Variants in OXNAD1 observed in about 807,000 individuals in gnomAD.
OXNAD1 encodes oxidoreductase NAD-binding domain-containing protein 1.
Under a neutral mutation model 32.9 loss-of-function variants are expected in OXNAD1, and 34 were observed. The ratio of observed to expected loss-of-function variants is 1.03; its 90% confidence interval spans 0.79 to 1.38. The LOEUF (loss-of-function observed/expected upper bound fraction) is 1.38. Ranked by LOEUF, OXNAD1 falls within the 40% of genes most tolerant of loss-of-function variation. The pLI is 0.00. For missense variants in OXNAD1, 407 were observed against 379.4 expected, an observed-to-expected ratio of 1.07 and a Z score of -0.60; for synonymous variants, 134 against 135.2, an observed-to-expected ratio of 0.99 and a Z score of 0.06.
In OXNAD1 at chr3:16,305,083, C is replaced by G. The variant is rs1283938514; in HGVS notation, c.*1521C>G. The G allele has an allele frequency of 6.6e-6, 1 of 152,256 alleles. No homozygotes were observed. The highest frequency in any genetic ancestry group is 1.5e-5 in the Non-Finnish European group (1 of 68,108). The allele number at this position is 152,256 out of a possible 1,614,324, so 9.4% of individuals were successfully genotyped here. On this transcript the variant is annotated 3_prime_UTR_variant, in exon 9 of 9. Coordinates refer to ENST00000285083, the MANE Select transcript of OXNAD1 (RefSeq NM_138381.5). This position sits in a 1 kb window ranked among gnomAD's most constrained non-coding sequence, Gnocchi z 4.5. ...AAGCTCTGGATCACTACAAGGAGCCCTGACTTACCAGTTGGCCCCAAAGTG... is the reference window on the plus strand; with the variant it reads ...AAGCTCTGGATCACTACAAGGAGCCGTGACTTACCAGTTGGCCCCAAAGTG...
At chr3:16,341,351 C>G (rs1281838450), downstream of OXNAD1, among the ~76,000 whole-genome samples, 1 of 152,242 alleles carries the variant, frequency 6.6e-6, no homozygotes, top group Non-Finnish European at 1.5e-5. The surrounding 1 kb of genome is among the most constrained non-coding windows in gnomAD (Gnocchi z 4.7). Context: ...GAAACCTACA[C>G]ATGGCTGTTT....
rs1008795018 is a variant in OXNAD1, at chr3:16,280,408, G to T, written c.184-5934G>T. ...GAAGTTAAATTGTGTGGTTGACGGA[G>T]AATTTTGTGTCTACCTTTGTTAGTA... On this transcript the variant is annotated intron_variant, in intron 4 of 8. Coordinates refer to ENST00000285083, the MANE Select transcript of OXNAD1 (RefSeq NM_138381.5). The surrounding 1 kb of genome is among the most constrained non-coding windows in gnomAD (Gnocchi z 4.5). Among the ~76,000 whole-genome samples, 1 of 152,108 alleles carries T rather than the reference G, an allele frequency of 6.6e-6. No homozygotes were observed. Among genetic ancestry groups the T allele is most frequent in the Non-Finnish European group, 1.5e-5 (1 of 68,024 alleles).
intron 4 of OXNAD1, among the ~76,000 whole-genome samples, chr3:16,283,770 G>A (rs2065903757): frequency 6.6e-6 from 1 of 152,192 alleles, no homozygotes; most frequent in East Asian, 1.9e-4. Flanking sequence ...AGAAGGAATG[G>A]TAAAGGAGAA....
chr3:16,294,988 T>C lies in OXNAD1; in HGVS notation c.423T>C (p.Val141=). The C allele has an allele frequency of 6.2e-7, 1 of 1,611,934 alleles. No homozygotes were observed. Among genetic ancestry groups the C allele is most frequent in the Non-Finnish European group, 8.5e-7 (1 of 1,178,988 alleles). ...KYTNHPPALW[V]HNTCTLDCEV... is the part of the protein sequence containing the mutation. Reference sequence around the variant, plus strand: ...CGAACCACCCTCCTGCCCTCTGGGTTCACAATACGGTAAGCACACTGCCTG... The same window carrying C: ...CGAACCACCCTCCTGCCCTCTGGGTCCACAATACGGTAAGCACACTGCCTG... Residue 141 remains valine, a synonymous_variant, in exon 6 of 9, where the codon GTT becomes GTC. Coordinates refer to ENST00000285083, the MANE Select transcript of OXNAD1 (RefSeq NM_138381.5).
chr3:16,304,931 A>G lies in OXNAD1; in HGVS notation c.*1369A>G, dbSNP rs1475832675. ...TTTTGTCAAGTTTTAAGCAGAGATC[A>G]TTTGTCAACTATTTTGATCCCAGAT... On this transcript the variant is annotated 3_prime_UTR_variant, in exon 9 of 9. Transcript: ENST00000285083. The surrounding 1 kb of genome is among the most constrained non-coding windows in gnomAD (Gnocchi z 4.6). 2 of 152,282 alleles carry G rather than the reference A, an allele frequency of 1.3e-5. No homozygotes were observed. The highest frequency in any genetic ancestry group is 4.8e-5 in the African/African-American group (2 of 41,444). 9.4% of individuals were successfully genotyped at this position (152,282 alleles called of 1,614,324 possible).
chr3:16,303,559 G>A lies in OXNAD1; in HGVS notation c.936G>A (p.Trp312Ter). ...PKEHICFEKW[W>*] ...AACACATTTGCTTTGAGAAGTGGTG[G>A]TAGGAGGCAGACAAAGGCAGAAAAA... The change falls in exon 9 of 9, where the codon TGG (tryptophan) becomes TGA (stop). Residue 312 changes from tryptophan to a stop codon, truncating the protein, a stop_gained. Transcript: ENST00000285083. LOFTEE classifies it high-confidence loss of function. This position sits in a 1 kb window ranked among gnomAD's most constrained non-coding sequence, Gnocchi z 4.8. 6.2e-7 allele frequency: 1 copy of A among 1,613,660 alleles called. No individual in the cohort carries two copies. The highest frequency in any genetic ancestry group is 8.5e-7 in the Non-Finnish European group (1 of 1,179,806).
At chr3:16,282,384 T>G (rs1575085213) in intron 4 of OXNAD1, among the ~76,000 whole-genome samples, 1 of 149,716 alleles carries the variant, frequency 6.7e-6, no homozygotes, top group East Asian at 1.9e-4. Flanking sequence ...AAAAAAAAAG[T>G]GCTCCTGCAT....
At chr3:16,326,889 G>C (rs755015047) in intron 9 of OXNAD1, 1 of 1,607,454 alleles carries the variant, frequency 6.2e-7, no homozygotes, top group South Asian at 1.1e-5. Flanking sequence ...GGGGGAACAA[G>C]GCCAGCATTA....
intron 9 of OXNAD1, among the ~76,000 whole-genome samples, chr3:16,323,777 G>A (rs1243351852): frequency 6.6e-6 from 1 of 152,214 alleles, no homozygotes; most frequent in Admixed American, 6.5e-5. Context: ...ATCTCAAAGG[G>A]GCAGGGGCCT....
chr3:16,349,633 A>G (rs2071960438), exon 10 of OXNAD1: 1 of 152,256 alleles, frequency 6.6e-6, no homozygotes, highest in Non-Finnish European at 1.5e-5. Flanking sequence ...TAAAAATGGG[A>G]TTATTCAACT....
chr3:16,292,819 A>T (rs572205657), intron 5 of OXNAD1, among the ~76,000 whole-genome samples: 27 of 152,306 alleles, frequency 1.8e-4, no homozygotes, highest in African/African-American at 6.3e-4. Context: ...CTTGTCTAAA[A>T]TCAATTCACC....
chr3:16,279,392 C>T (rs958711384), intron 4 of OXNAD1, among the ~76,000 whole-genome samples: 1 of 152,114 alleles, frequency 6.6e-6, no homozygotes, highest in African/African-American at 2.4e-5. Context: ...CCCAGTTTAG[C>T]AGCTCTGTAA....
In OXNAD1 at chr3:16,303,251, C is replaced by T. The variant is rs1287514434; in HGVS notation, c.785-157C>T. Among the ~76,000 whole-genome samples the T allele has an allele frequency of 6.6e-6, 1 of 152,082 alleles. No homozygotes were observed. The highest frequency in any genetic ancestry group is 2.4e-5 in the African/African-American group (1 of 41,414). ...GAGATGCACTCTGCTTGGGTCTGGGCCCAGATGCCAATAGGAGCCATACTG... is the reference window on the plus strand; with the variant it reads ...GAGATGCACTCTGCTTGGGTCTGGGTCCAGATGCCAATAGGAGCCATACTG... On this transcript the variant is annotated intron_variant, in intron 8 of 8. Transcript: ENST00000285083. The surrounding 1 kb of genome is among the most constrained non-coding windows in gnomAD (Gnocchi z 4.8).
rs1491581919 is a variant in OXNAD1, at chr3:16,345,264, T to TTTG, written c.*31-3911_*31-3910insTGT. 22 of 145,838 alleles carry TTTG rather than the reference T, an allele frequency of 1.5e-4. No homozygotes were observed. The highest frequency in any genetic ancestry group is 5.3e-4 in the African/African-American group (20 of 37,754). The allele number at this position is 145,838 out of a possible 1,614,324, so 9.0% of individuals were successfully genotyped here. A position where few individuals can be genotyped will look rare whatever the true frequency, so the allele number is the denominator to read the frequency against. On this transcript the variant is annotated intron_variant, in intron 9 of 9. Coordinates refer to the OXNAD1 transcript ENST00000606098. This position sits in a 1 kb window ranked among gnomAD's most constrained non-coding sequence, Gnocchi z 5.2. Reference sequence around the variant, plus strand: ...AAACTGTAAGATAATAAGTAGGTGGTTGTGTGTGTGTGTGTGTGTGTGTGT... The same window carrying TTTG: ...AAACTGTAAGATAATAAGTAGGTGGTTTGTGTGTGTGTGTGTGTGTGTGTGTGT...
chr3:16,317,381 T>C lies in OXNAD1; in HGVS notation c.*30+13789T>C. ...CAGCCAGGCAGTACAGGCACCAAAC[T>C]TGAATCGCACACTATCACATCACAC... On this transcript the variant is annotated intron_variant, in intron 9 of 9. Transcript: ENST00000435829. The surrounding 1 kb of genome is among the most constrained non-coding windows in gnomAD (Gnocchi z 4.3). 1 of 750,218 alleles carries C rather than the reference T, an allele frequency of 1.3e-6. No individual in the cohort carries two copies. The highest frequency in any genetic ancestry group is 2.2e-6 in the Non-Finnish European group (1 of 464,784). 46.5% of individuals were successfully genotyped at this position (750,218 alleles called of 1,614,324 possible). A position where few individuals can be genotyped will look rare whatever the true frequency, so the allele number is the denominator to read the frequency against.
intron 4 of OXNAD1, among the ~76,000 whole-genome samples, chr3:16,286,076 C>T (rs1239326052): frequency 6.6e-6 from 1 of 151,962 alleles, no homozygotes; most frequent in East Asian, 1.9e-4. Flanking sequence ...AGATAAATGC[C>T]GGTTAAAAGA....
chr3:16,301,985 A>G lies in OXNAD1; in HGVS notation c.675+117A>G. On this transcript the variant is annotated intron_variant, in intron 7 of 8. Transcript: ENST00000285083. This position sits in a 1 kb window ranked among gnomAD's most constrained non-coding sequence, Gnocchi z 4.1. ...AGGTTCAAACAAAAGGCTTGGCAAG[A>G]TTTAATCATGCTTAAATGAGAACTA... 3 of 1,334,518 alleles carry G rather than the reference A, an allele frequency of 2.2e-6. No homozygotes were observed. Among genetic ancestry groups the G allele is most frequent in the South Asian group, 1.5e-5 (1 of 68,492 alleles). The allele number at this position is 1,334,518 out of a possible 1,614,324, so 82.7% of individuals were successfully genotyped here. A position where few individuals can be genotyped will look rare whatever the true frequency, so the allele number is the denominator to read the frequency against.
At chr3:16,342,208 C>G (rs996487294), downstream of OXNAD1, among the ~76,000 whole-genome samples, 1 of 152,158 alleles carries the variant, frequency 6.6e-6, no homozygotes. The surrounding 1 kb of genome is among the most constrained non-coding windows in gnomAD (Gnocchi z 4.0). Flanking sequence ...CCTTTCCCCC[C>G]ACCCACCCCG....
In OXNAD1 at chr3:16,280,058, G is replaced by A. The variant is rs1472257369; in HGVS notation, c.184-6284G>A. On this transcript the variant is annotated intron_variant, in intron 4 of 8. Transcript: ENST00000285083. This position sits in a 1 kb window ranked among gnomAD's most constrained non-coding sequence, Gnocchi z 4.5. ...CTCAGTTTTCTCATATGTAAAATGG[G>A]GATATAATAATATTGGCTTTCTAGA... Among the ~76,000 whole-genome samples the A allele has an allele frequency of 2.6e-5, 4 of 152,172 alleles. No homozygotes were observed. Among genetic ancestry groups the A allele is most frequent in the Non-Finnish European group, 4.4e-5 (3 of 68,032 alleles).
Sources: allele counts gnomAD v4.1 joint callset (sites outside exome capture counted in the v4.1 genomes callset), GRCh38; gene constraint gnomAD v4.1.1; non-coding constraint Gnocchi (gnomAD v3.1); transcripts MANE v1.5; gene names NCBI Gene and HGNC (gene_info 2026-07-23, HGNC 2026-07-21).